Variants in ZFHX3 observed in about 807,000 individuals in gnomAD.
ZFHX3 encodes the protein zinc finger homeobox protein 3.
Under a neutral mutation model 279.1 loss-of-function variants are expected in ZFHX3, and 42 were observed. That is an observed-to-expected ratio of 0.15 (90% CI 0.12 to 0.19). ZFHX3 has a LOEUF of 0.19. ZFHX3 is among the 10% of genes least tolerant of loss of function. The pLI is 1.00. For synonymous variants in ZFHX3, 2,293 were observed against 1,957.8 expected, an observed-to-expected ratio of 1.17 and a Z score of -4.52; for missense variants, 4,981 against 4,754.0, an observed-to-expected ratio of 1.05 and a Z score of -1.40.
At chr16:73,615,061 CT>C (rs1015456720) in intron 2 of ZFHX3, among the ~76,000 whole-genome samples, 2 of 151,450 alleles carry the variant, frequency 1.3e-5, no homozygotes, top group Non-Finnish European at 2.9e-5. Context: ...CGCCTGGCCA[CT>C]TTTTTTCTTT....
At position 73,456,555 on chromosome 16, in the gene ZFHX3, A is replaced by G. The variant is rs551425513; in HGVS notation, c.-1546-297T>C. Among the ~76,000 whole-genome samples the G allele has an allele frequency of 5.5e-4, 84 of 152,340 alleles. 3 individuals are homozygous for G. In the South Asian group the frequency reaches 0.016, roughly 29 times the overall value. ...TTACCACTAACGACTTGCAAAACAT[A>G]GGACACTATGTTCTGATAGGCAAGA... On this transcript the variant is annotated intron_variant, in intron 2 of 17. Coordinates refer to the ZFHX3 transcript ENST00000641206.
At chr16:73,188,511 G>A (rs1335679370) in intron 5 of ZFHX3, among the ~76,000 whole-genome samples, 1 of 152,206 alleles carries the variant, frequency 6.6e-6, no homozygotes, top group Non-Finnish European at 1.5e-5. Flanking sequence ...CTGAGATGGT[G>A]AATTTGACTT....
At chr16:73,824,201 GT>G in intron 1 of ZFHX3, among the ~76,000 whole-genome samples, 1 of 152,282 alleles carries the variant, frequency 6.6e-6, no homozygotes, top group Non-Finnish European at 1.5e-5. Flanking sequence ...AAAAAGTTAT[GT>G]TGCGTGTCTC....
At chr16:73,792,807 T>G (rs1318945041) in intron 1 of ZFHX3, among the ~76,000 whole-genome samples, 4 of 151,748 alleles carry the variant, frequency 2.6e-5, no homozygotes, top group Non-Finnish European at 5.9e-5. Flanking sequence ...TAGTAGCTAA[T>G]GAAGGTAATG....
chr16:73,357,327 A>G (rs1258087011), intron 3 of ZFHX3, among the ~76,000 whole-genome samples: 1 of 152,080 alleles, frequency 6.6e-6, no homozygotes, highest in East Asian at 1.9e-4. Flanking sequence ...ATTAATTACA[A>G]AAAATAACAA....
At chr16:73,371,178 G>A (rs764796770) in intron 3 of ZFHX3, among the ~76,000 whole-genome samples, 27 of 151,694 alleles carry the variant, frequency 1.8e-4, no homozygotes, top group African/African-American at 4.6e-4. Context: ...GTGGTGGTGC[G>A]TGCCTGTAGT....
At chr16:73,519,487 T>A (rs2019576851) in intron 2 of ZFHX3, among the ~76,000 whole-genome samples, 1 of 152,190 alleles carries the variant, frequency 6.6e-6, no homozygotes, top group Non-Finnish European at 1.5e-5. Context: ...TTCATTCTCA[T>A]CCATAAGTTG....
At chr16:72,991,707 CAG>C (rs1225671459) in intron 1 of ZFHX3, among the ~76,000 whole-genome samples, 1 of 152,214 alleles carries the variant, frequency 6.6e-6, no homozygotes, top group African/African-American at 2.4e-5. Context: ...CTCAGAGAAG[CAG>C]AGAGACTTGT....
intron 1 of ZFHX3, among the ~76,000 whole-genome samples, chr16:73,733,859 A>G (rs2053588488): frequency 6.6e-6 from 1 of 152,240 alleles, no homozygotes; most frequent in Non-Finnish European, 1.5e-5. Context: ...ATATTTAAAC[A>G]TATTAGTGAT....
chr16:73,259,530 G>A (rs961298775), intron 4 of ZFHX3, among the ~76,000 whole-genome samples: 3 of 152,176 alleles, frequency 2.0e-5, no homozygotes, highest in South Asian at 2.1e-4. Context: ...TTCTCCTGGT[G>A]TAATATACGA....
At chr16:73,387,120 T>C (rs1344983473) in intron 3 of ZFHX3, 1 of 152,130 alleles carries the variant, frequency 6.6e-6, no homozygotes, top group Non-Finnish European at 1.5e-5. Flanking sequence ...TCACAGCATA[T>C]TGTATGAGAC....
At chr16:73,801,915 C>T (rs1198038777) in intron 1 of ZFHX3, among the ~76,000 whole-genome samples, 2 of 152,174 alleles carry the variant, frequency 1.3e-5, no homozygotes, top group African/African-American at 2.4e-5. Flanking sequence ...CACATTCTGG[C>T]TTTCTCTAAT....
At chr16:73,028,101 G>T (rs1375821984) in intron 1 of ZFHX3, among the ~76,000 whole-genome samples, 1 of 152,082 alleles carries the variant, frequency 6.6e-6, no homozygotes, top group African/African-American at 2.4e-5. Flanking sequence ...ATAGGACACG[G>T]CCCCTCCGGG....
At chr16:73,730,392 GAAAGA>G (rs1240325374) in intron 1 of ZFHX3, among the ~76,000 whole-genome samples, 31 of 136,222 alleles carry the variant, frequency 2.3e-4, no homozygotes, top group East Asian at 1.2e-3. Context: ...GAGAGAGAAA[GAAAGA>G]AAAGAAAAGA....
At chr16:73,662,790 C>A (rs2052799147) in intron 2 of ZFHX3, among the ~76,000 whole-genome samples, 1 of 152,116 alleles carries the variant, frequency 6.6e-6, no homozygotes, top group African/African-American at 2.4e-5. Context: ...ATTTTATAGA[C>A]CCTCATTTCC....
chr16:73,838,758 G>C (rs931489862), intron 1 of ZFHX3, among the ~76,000 whole-genome samples: 9 of 126,244 alleles, frequency 7.1e-5, no homozygotes, highest in African/African-American at 3.4e-4. Flanking sequence ...ATGCGTGTGT[G>C]TGTCTGTGTG....
chr16:73,818,399 G>C (rs1960639367), intron 1 of ZFHX3, among the ~76,000 whole-genome samples: 1 of 152,148 alleles, frequency 6.6e-6, no homozygotes, highest in African/African-American at 2.4e-5. Flanking sequence ...CAATACCATG[G>C]AGATGGATGG....
intron 1 of ZFHX3, among the ~76,000 whole-genome samples, chr16:72,974,659 T>C (rs1195608683): frequency 6.6e-6 from 1 of 151,540 alleles, no homozygotes; most frequent in Non-Finnish European, 1.5e-5. Context: ...CCTGCTGGCA[T>C]AAAGAGCTTT....
At chr16:73,754,284 C>T (rs2053787091) in intron 1 of ZFHX3, among the ~76,000 whole-genome samples, 1 of 152,126 alleles carries the variant, frequency 6.6e-6, no homozygotes, top group African/African-American at 2.4e-5. Flanking sequence ...GTGTTGTAGA[C>T]CTATCCAAAT....
Sources: allele counts gnomAD v4.1 joint callset (sites outside exome capture counted in the v4.1 genomes callset), GRCh38; gene constraint gnomAD v4.1.1; transcripts MANE v1.5; gene names NCBI Gene and HGNC (gene_info 2026-07-23, HGNC 2026-07-21).